CFAP61: variants seen among roughly 807,000 people sequenced by gnomAD.
The protein encoded by CFAP61 is cilia and flagella associated protein 61.
A neutral mutation model predicts 135.6 loss-of-function variants in CFAP61; 107 were observed. The observed-to-expected ratio is 0.79, with a 90% confidence interval of 0.67 to 0.93. The LOEUF is 0.93. Among genes scored for constraint, CFAP61 ranks in the 40% least tolerant of loss-of-function variants. CFAP61 has a pLI of 0.00. For missense variants in CFAP61, 1,507 were observed against 1,556.2 expected (o/e 0.97, Z 0.53); for synonymous variants, 575 against 578.5 (o/e 0.99, Z 0.09).
chr20:20,336,491 G>A (rs954021792), intron 25 of CFAP61, among the ~76,000 whole-genome samples: 24 of 152,106 alleles, frequency 1.6e-4, no homozygotes, highest in African/African-American at 5.8e-4. Flanking sequence ...CAGGTGTGAT[G>A]GTGTGCACCT....
At chr20:20,058,185 T>C (rs924042406) in intron 2 of CFAP61, among the ~76,000 whole-genome samples, 2 of 152,206 alleles carry the variant, frequency 1.3e-5, no homozygotes, top group African/African-American at 4.8e-5. Flanking sequence ...GTAATATAAA[T>C]TGGCACAATT....
chr20:20,321,593 G>T (rs2057518519), intron 25 of CFAP61, among the ~76,000 whole-genome samples: 1 of 152,166 alleles, frequency 6.6e-6, no homozygotes. Context: ...GGACAGACAA[G>T]GTAGGGAGAG....
chr20:20,055,833 C>T, intron 1 of CFAP61: 2 of 769,564 alleles, frequency 2.6e-6, no homozygotes, highest in Non-Finnish European at 4.5e-6. Context: ...AGCTCACTGG[C>T]TAGTATATAA....
At chr20:20,179,614 C>G (rs1043118918) in intron 13 of CFAP61, among the ~76,000 whole-genome samples, 1 of 152,146 alleles carries the variant, frequency 6.6e-6, no homozygotes, top group East Asian at 1.9e-4. Flanking sequence ...AGGCATCACC[C>G]TACCTGACTT....
At chr20:20,090,328 T>C (rs117355007) in intron 6 of CFAP61, among the ~76,000 whole-genome samples, 311 of 152,338 alleles carry the variant, frequency 2.0e-3, no homozygotes, top group Non-Finnish European at 3.8e-3. Flanking sequence ...TCCCAAAGCA[T>C]GTATCATTAT....
chr20:20,196,715 T>G lies in CFAP61; in HGVS notation c.1736T>G (p.Leu579Arg). ...ACCAAGTTCTTTCTGAAGGAGATCC[T>G]GCGTTTAGGCTTTAAATCCTGTCTC... is the stretch of plus-strand genomic sequence containing the variant. Reference protein sequence around the residue: ...HYTKFFLKEILRLGFKSCLYY... With the variant: ...HYTKFFLKEIRRLGFKSCLYY... Residue 579 changes from leucine (L) to arginine (R), a missense_variant, in exon 16 of 27, where the codon CTG (leucine) becomes CGG (arginine). Coordinates refer to ENST00000245957, the MANE Select transcript of CFAP61 (RefSeq NM_015585.4). 6.2e-7 allele frequency: 1 copy of G among 1,614,234 alleles called. No homozygotes were observed. Among genetic ancestry groups the G allele is most frequent in the Middle Eastern group, 1.6e-4 (1 of 6,062 alleles).
chr20:20,200,849 TG>T, intron 17 of CFAP61: 1 of 985,420 alleles, frequency 1.0e-6, no homozygotes, highest in South Asian at 4.7e-5. Context: ...CACTGAGGGA[TG>T]GGGCGTACCT....
Position 20,323,218 on chromosome 20 carries a change from A to G in CFAP61, c.3423-18613A>G, listed in dbSNP as rs147762077. Reference sequence around the variant, plus strand: ...ATGGAATAAACGGATCTCATTCAGCATGGGCATGAAAGGCACTGGAGAAGT... The same window carrying G: ...ATGGAATAAACGGATCTCATTCAGCGTGGGCATGAAAGGCACTGGAGAAGT... On this transcript the variant is annotated intron_variant, in intron 25 of 26. Transcript: ENST00000245957. 6.9e-5 allele frequency: 68 copies of G among 985,446 alleles called. No homozygotes were observed. The African/African-American group carries it at 1.0e-3, about 15-fold the overall frequency. 61.0% of individuals were successfully genotyped at this position (985,446 alleles called of 1,614,324 possible).
intron 15 of CFAP61, among the ~76,000 whole-genome samples, chr20:20,192,810 ATGTT>A (rs1056993886): frequency 6.6e-6 from 1 of 151,962 alleles, no homozygotes; most frequent in Non-Finnish European, 1.5e-5. Context: ...TATTTTCTAA[ATGTT>A]TGTCTTGTGT....
chr20:20,267,499 A>G (rs989776843), intron 21 of CFAP61: 5 of 152,602 alleles, frequency 3.3e-5, no homozygotes, highest in African/African-American at 1.2e-4. Flanking sequence ...CTTACCATGG[A>G]TGGCAGTAGC....
At chr20:20,153,241 A>G (rs187226273) in intron 9 of CFAP61, among the ~76,000 whole-genome samples, 1 of 152,336 alleles carries the variant, frequency 6.6e-6, no homozygotes, top group African/African-American at 2.4e-5. Flanking sequence ...AGGAAAGTTC[A>G]TGGCATTAAA....
intron 2 of CFAP61, among the ~76,000 whole-genome samples, chr20:20,066,313 A>C (rs574698903): frequency 2.6e-5 from 4 of 152,326 alleles, no homozygotes; most frequent in East Asian, 3.9e-4. Flanking sequence ...TTGACCCAGC[A>C]ATCCCATTAC....
intron 24 of CFAP61, among the ~76,000 whole-genome samples, chr20:20,291,813 GC>G (rs2055018972): frequency 6.6e-6 from 1 of 152,196 alleles, no homozygotes; most frequent in Admixed American, 6.5e-5. Flanking sequence ...CATAGTCCCA[GC>G]CCGGTGTGTG....
At chr20:20,128,857 C>T (rs747477912) in intron 8 of CFAP61, among the ~76,000 whole-genome samples, 5 of 151,622 alleles carry the variant, frequency 3.3e-5, no homozygotes, top group African/African-American at 9.7e-5. Flanking sequence ...AGCTTACCTT[C>T]GATCACAAAA....
chr20:20,268,986 A>G (rs946392147), intron 21 of CFAP61, among the ~76,000 whole-genome samples: 2 of 151,788 alleles, frequency 1.3e-5, no homozygotes, highest in African/African-American at 4.8e-5. Context: ...AGGCTTTGTT[A>G]TGTTATATCT....
rs544228523 is a variant in CFAP61 at position 20,115,400 on chromosome 20, T to A, written c.859+16586T>A. On this transcript the variant is annotated intron_variant, in intron 8 of 26. Coordinates refer to ENST00000245957, the MANE Select transcript of CFAP61 (RefSeq NM_015585.4). The stretch of plus-strand genomic sequence containing the variant: ...GATCAAATCAGTGTAATTGGGATAT[T>A]CATCACCTTAAATATTTGTCTCTTC... Among the ~76,000 whole-genome samples the A allele has an allele frequency of 3.5e-4, 53 of 152,086 alleles. No homozygotes were observed. In the South Asian group the frequency reaches 0.011, roughly 32 times the overall value.
chr20:20,226,749 C>G (rs1304697515), intron 17 of CFAP61, among the ~76,000 whole-genome samples: 4 of 152,212 alleles, frequency 2.6e-5, no homozygotes, highest in African/African-American at 9.6e-5. Context: ...CTGGGCTTCA[C>G]TCTGATGAGG....
rs941692690 is a variant in CFAP61 at position 20,098,704 on chromosome 20, T to C, written c.749T>C (p.Met250Thr). ...GFMSVCSRVN[M>T]QLLHECFDLG... Reference sequence around the variant, plus strand: ...ATGAGTGTGTGCTCAAGAGTGAACATGCAACTGCTGCATGAGTGCTTTGAC... The same window carrying C: ...ATGAGTGTGTGCTCAAGAGTGAACACGCAACTGCTGCATGAGTGCTTTGAC... Residue 250 changes from methionine to threonine, a missense_variant, in exon 8 of 27, where the codon ATG becomes ACG. Met to Thr is a moderately conservative substitution (Grantham distance 81). Transcript: ENST00000245957. 4.3e-6 allele frequency: 7 copies of C among 1,613,268 alleles called. No individual in the cohort carries two copies. The highest frequency in any genetic ancestry group is 2.7e-5 in the African/African-American group (2 of 74,710).
At chr20:20,280,821 T>C (rs933212743) in intron 22 of CFAP61, among the ~76,000 whole-genome samples, 1 of 152,216 alleles carries the variant, frequency 6.6e-6, no homozygotes, top group Non-Finnish European at 1.5e-5. Context: ...GCTATACCAT[T>C]TTACATTTCC....
Sources: gnomAD v4.1 joint callset for allele counts (sites outside exome capture counted in the v4.1 genomes callset) on GRCh38, gnomAD v4.1.1 for gene constraint, MANE v1.5 for transcripts, NCBI Gene and HGNC (gene_info 2026-07-23, HGNC 2026-07-21) for gene names.